HTR2A: variants seen among roughly 807,000 people sequenced by gnomAD.
HTR2A encodes 5-HT2 receptor.
A neutral mutation model predicts 31.0 loss-of-function variants in HTR2A; 14 were observed. That is an observed-to-expected ratio of 0.45 (90% confidence interval 0.30 to 0.71). HTR2A has a LOEUF of 0.71. HTR2A is among the 30% of genes least tolerant of loss of function. The probability of loss-of-function intolerance (pLI) is 0.09; values close to 1 mark genes in which losing one functional copy is unlikely to be tolerated. For synonymous variants in HTR2A, 209 were observed against 225.2 expected (o/e 0.93, Z 0.64); for missense variants, 442 against 573.3 (o/e 0.77, Z 2.34).
chr13:46,897,929 C>T (rs888689667), upstream of HTR2A, among the ~76,000 whole-genome samples: 16 of 152,190 alleles, frequency 1.1e-4, no homozygotes, highest in African/African-American at 2.2e-4. Context: ...TCCCCCTGCC[C>T]GGCTCTCAGT....
intron 3 of HTR2A, among the ~76,000 whole-genome samples, chr13:46,850,189 AATCATCC>A (rs1950672579): frequency 6.6e-6 from 1 of 152,226 alleles, no homozygotes; most frequent in African/African-American, 2.4e-5. Flanking sequence ...AGTTAATAAT[AATCATCC>A]ATCTTTACAT....
intron 3 of HTR2A, among the ~76,000 whole-genome samples, chr13:46,863,247 G>C (rs66847642): frequency 0.16 from 24,022 of 152,102 alleles, 2,729 homozygotes; most frequent in African/African-American, 0.33. Context: ...ATAAGAGAAT[G>C]CAGTTTGATA....
At chr13:46,882,045 A>G (rs1950968898) in intron 3 of HTR2A, among the ~76,000 whole-genome samples, 1 of 152,158 alleles carries the variant, frequency 6.6e-6, no homozygotes, top group Non-Finnish European at 1.5e-5. Context: ...TTCCATATAG[A>G]ATTTGAGGTT....
At position 46,835,611 on chromosome 13, in the gene HTR2A, C is replaced by A; in HGVS notation, c.642G>T (p.Gly214=). The A allele has an allele frequency of 6.2e-7, 1 of 1,613,424 alleles. No individual in the cohort carries two copies. The highest frequency in any genetic ancestry group is 1.7e-4 in the Middle Eastern group (1 of 6,044). ...VGISMPIPVF[G]LQDDSKVFKE... Reference sequence around the variant, plus strand: ...TAAAGACCTTCGAATCGTCCTGTAGCCCAAAGACTGGTATTGGCATGGATA... The same window carrying A: ...TAAAGACCTTCGAATCGTCCTGTAGACCAAAGACTGGTATTGGCATGGATA... The change falls in exon 4 of 4, where the codon GGG becomes GGT. Residue 214 remains glycine (G), a synonymous_variant. Transcript: ENST00000542664.
intron 3 of HTR2A, among the ~76,000 whole-genome samples, chr13:46,847,088 G>A (rs9562685): frequency 0.15 from 22,297 of 152,258 alleles, 2,064 homozygotes; most frequent in East Asian, 0.48. Context: ...CTACAAAGAA[G>A]GGTGGGAATT....
chr13:46,845,840 G>A (rs1388002581), intron 3 of HTR2A, among the ~76,000 whole-genome samples: 1 of 152,156 alleles, frequency 6.6e-6, no homozygotes, highest in Non-Finnish European at 1.5e-5. Context: ...TCTTATCATA[G>A]TCATGCACCC....
At chr13:46,836,775 G>A (rs963082027) in intron 3 of HTR2A, among the ~76,000 whole-genome samples, 5 of 152,016 alleles carry the variant, frequency 3.3e-5, no homozygotes, top group African/African-American at 4.8e-5. Flanking sequence ...TATTTATTAC[G>A]TAGATCTAAA....
intron 3 of HTR2A, among the ~76,000 whole-genome samples, chr13:46,872,952 G>C (rs140506623): frequency 1.3e-5 from 2 of 152,076 alleles, no homozygotes; most frequent in African/African-American, 4.8e-5. Context: ...GTGCAATGGC[G>C]TGATCTCAGC....
At chr13:46,841,070 C>T (rs1950593923) in intron 3 of HTR2A, among the ~76,000 whole-genome samples, 2 of 152,122 alleles carry the variant, frequency 1.3e-5, no homozygotes, top group African/African-American at 4.8e-5. Context: ...TCCTCCTTCC[C>T]ACGCTCTCTC....
chr13:46,850,468 T>C (rs1950675717), intron 3 of HTR2A, among the ~76,000 whole-genome samples: 2 of 152,224 alleles, frequency 1.3e-5, no homozygotes, highest in South Asian at 4.1e-4. Flanking sequence ...GAAACTAGAA[T>C]TTTGAGCCAC....
chr13:46,840,061 C>T (rs963857598), intron 3 of HTR2A, among the ~76,000 whole-genome samples: 1 of 152,086 alleles, frequency 6.6e-6, no homozygotes, highest in East Asian at 1.9e-4. Flanking sequence ...GAAGTTATTT[C>T]GGGGCTCTTG....
intron 3 of HTR2A, among the ~76,000 whole-genome samples, chr13:46,837,193 G>A (rs1950568751): frequency 6.6e-6 from 1 of 152,080 alleles, no homozygotes; most frequent in Non-Finnish European, 1.5e-5. Flanking sequence ...CTTTTTAAAG[G>A]AAGATTCAAC....
At position 46,871,056 on chromosome 13, in the gene HTR2A, A is replaced by T. The variant is rs574887217; in HGVS notation, c.613+21334T>A. On this transcript the variant is annotated intron_variant, in intron 3 of 3. Transcript: ENST00000542664. ...ATTATGCCAGAGCAACTTCTCATCT[A>T]TCCTCAAACTCCACATTACCATGTA... Among the ~76,000 whole-genome samples, 64 of 152,298 alleles carry T rather than the reference A, an allele frequency of 4.2e-4. 1 individual carries two copies. In the South Asian group the frequency reaches 8.1e-3, roughly 19 times the overall value.
chr13:46,836,923 T>A (rs1353540753), intron 3 of HTR2A, among the ~76,000 whole-genome samples: 2 of 152,202 alleles, frequency 1.3e-5, no homozygotes, highest in East Asian at 3.8e-4. Flanking sequence ...GTTCTATGTT[T>A]TTAGTAGTAG....
intron 3 of HTR2A, among the ~76,000 whole-genome samples, chr13:46,853,213 G>A (rs1290505971): frequency 6.6e-6 from 1 of 152,076 alleles, no homozygotes. Flanking sequence ...TGCGCCTCCT[G>A]GTGATCTTGA....
At chr13:46,847,037 C>A (rs962070605) in intron 3 of HTR2A, among the ~76,000 whole-genome samples, 1 of 152,208 alleles carries the variant, frequency 6.6e-6, no homozygotes, top group Non-Finnish European at 1.5e-5. Flanking sequence ...TGCCAGCATG[C>A]TGCTCTTTGG....
At chr13:46,844,618 A>G (rs1425017646) in intron 3 of HTR2A, among the ~76,000 whole-genome samples, 1 of 152,228 alleles carries the variant, frequency 6.6e-6, no homozygotes. Flanking sequence ...GTTCTGACTC[A>G]TATCCTGGAT....
At chr13:46,882,676 T>G (rs1162835228) in intron 3 of HTR2A, among the ~76,000 whole-genome samples, 1 of 152,186 alleles carries the variant, frequency 6.6e-6, no homozygotes, top group Non-Finnish European at 1.5e-5. Context: ...AGGTAAGATG[T>G]GATAACACAA....
At chr13:46,853,410 G>C (rs375794655) in intron 3 of HTR2A, among the ~76,000 whole-genome samples, 8 of 152,266 alleles carry the variant, frequency 5.3e-5, no homozygotes, top group African/African-American at 1.9e-4. Flanking sequence ...CCAGCAGGTT[G>C]CTCTCTTCCC....
Sources: gnomAD v4.1 joint callset for allele counts (sites outside exome capture counted in the v4.1 genomes callset) on GRCh38, gnomAD v4.1.1 for gene constraint, MANE v1.5 for transcripts, NCBI Gene and HGNC (gene_info 2026-07-23, HGNC 2026-07-21) for gene names.